MAGI2: variants seen among roughly 807,000 people sequenced by gnomAD.
MAGI2 encodes membrane associated guanylate kinase, WW and PDZ domain containing 2, also known as membrane-associated guanylate kinase, WW and PDZ domain-containing protein 2.
In MAGI2, 35 loss-of-function variants were observed where a neutral mutation model predicts 133.3. That is an observed-to-expected ratio of 0.26 (90% confidence interval 0.20 to 0.35). MAGI2 has a LOEUF of 0.35. Among genes scored for constraint, MAGI2 ranks in the 10% least tolerant of loss-of-function variants. The probability of loss-of-function intolerance (pLI) is 1.00; values close to 1 mark genes in which losing one functional copy is unlikely to be tolerated. For synonymous variants in MAGI2, 729 were observed against 710.6 expected, an observed-to-expected ratio of 1.03 and a Z score of -0.41; for missense variants, 1,636 against 1,863.4, an observed-to-expected ratio of 0.88 and a Z score of 2.25.
chr7:78,027,639 AAAAAGAAAG>A (rs1165030407), intron 21 of MAGI2, among the ~76,000 whole-genome samples: 2 of 142,462 alleles, frequency 1.4e-5, no homozygotes, highest in East Asian at 5.8e-4. Context: ...AAAAAAAAAA[AAAAAGAAAG>A]AAAAAGAAAA....
intron 1 of MAGI2, among the ~76,000 whole-genome samples, chr7:79,398,642 G>T (rs10953851): frequency 0.24 from 36,878 of 152,066 alleles, 5,834 homozygotes; most frequent in African/African-American, 0.43. Flanking sequence ...ACCAGGAAAA[G>T]CCTTTCTAGC....
intron 2 of MAGI2, among the ~76,000 whole-genome samples, chr7:78,860,920 T>C (rs929706552): frequency 6.6e-6 from 1 of 152,106 alleles, no homozygotes; most frequent in African/African-American, 2.4e-5. Flanking sequence ...CAGCTTTGTT[T>C]ACCTACTCAA....
At chr7:78,048,231 A>G (rs1006894684) in intron 21 of MAGI2, among the ~76,000 whole-genome samples, 10 of 152,214 alleles carry the variant, frequency 6.6e-5, no homozygotes, top group African/African-American at 1.9e-4. Context: ...CTTGTCTTCT[A>G]TATGCAGGGT....
chr7:78,366,424 C>A (rs1365044398), intron 7 of MAGI2, among the ~76,000 whole-genome samples: 3 of 152,020 alleles, frequency 2.0e-5, no homozygotes, highest in East Asian at 1.9e-4. Context: ...CTTCTTCCAA[C>A]AAAAACACTC....
At chr7:78,515,439 T>C (rs771899376) in intron 4 of MAGI2, among the ~76,000 whole-genome samples, 1 of 152,152 alleles carries the variant, frequency 6.6e-6, no homozygotes, top group Non-Finnish European at 1.5e-5. Context: ...ATATTGAATA[T>C]ACTGAATAGT....
chr7:78,362,803 A>G (rs988970276), intron 7 of MAGI2, among the ~76,000 whole-genome samples: 1 of 152,210 alleles, frequency 6.6e-6, no homozygotes, highest in Admixed American at 6.5e-5. Context: ...TATGTTGTAA[A>G]GTATAAAAAT....
At chr7:79,358,097 G>T (rs187398798) in intron 1 of MAGI2, among the ~76,000 whole-genome samples, 3 of 151,596 alleles carry the variant, frequency 2.0e-5, no homozygotes, top group South Asian at 2.1e-4. Flanking sequence ...GAGCTACTAG[G>T]TCCCTACATT....
intron 6 of MAGI2, chr7:78,487,033 G>C (rs1461180688): frequency 2.0e-6 from 1 of 507,504 alleles, no homozygotes; most frequent in Non-Finnish European, 3.9e-6. Flanking sequence ...AACCAACGAA[G>C]GACCAATACA....
intron 6 of MAGI2, among the ~76,000 whole-genome samples, chr7:78,482,024 A>G (rs1792443363): frequency 6.6e-6 from 1 of 151,994 alleles, no homozygotes; most frequent in Admixed American, 6.6e-5. Flanking sequence ...AAGGATATGT[A>G]AAGGAACATG....
intron 16 of MAGI2, among the ~76,000 whole-genome samples, chr7:78,156,711 C>T (rs1563192716): frequency 6.6e-6 from 1 of 151,698 alleles, no homozygotes; most frequent in East Asian, 1.9e-4. Context: ...ATTGTAGCAC[C>T]TGGGCTGTTA....
intron 21 of MAGI2, among the ~76,000 whole-genome samples, chr7:78,075,536 C>T (rs1815194982): frequency 1.3e-5 from 2 of 152,082 alleles, no homozygotes; most frequent in African/African-American, 4.8e-5. Context: ...ACCACCACAC[C>T]CGGCTAATTT....
chr7:78,951,784 T>TC (rs1801895454), intron 2 of MAGI2, among the ~76,000 whole-genome samples: 1 of 152,174 alleles, frequency 6.6e-6, no homozygotes, highest in African/African-American at 2.4e-5. Context: ...TCTGACCTCT[T>TC]CCTCTTTATG....
chr7:78,095,245 G>C (rs1455145306), intron 20 of MAGI2, among the ~76,000 whole-genome samples: 1 of 152,182 alleles, frequency 6.6e-6, no homozygotes, highest in African/African-American at 2.4e-5. Flanking sequence ...TTTTTTGGAA[G>C]ATAGTAAATC....
intron 2 of MAGI2, among the ~76,000 whole-genome samples, chr7:78,954,899 T>C (rs1158090452): frequency 6.6e-6 from 1 of 152,174 alleles, no homozygotes; most frequent in African/African-American, 2.4e-5. Flanking sequence ...AGAGGTCTGG[T>C]TATTATAGAT....
chr7:78,179,719 T>G (rs1166980151), intron 13 of MAGI2, among the ~76,000 whole-genome samples: 2 of 152,216 alleles, frequency 1.3e-5, no homozygotes, highest in African/African-American at 4.8e-5. Context: ...CTCCACATCC[T>G]TTAGAAATTA....
chr7:79,137,453 T>C (rs932561109), intron 1 of MAGI2, among the ~76,000 whole-genome samples: 1 of 149,306 alleles, frequency 6.7e-6, no homozygotes, highest in South Asian at 2.1e-4. Flanking sequence ...GTTTTTTGTT[T>C]TTTTTTTTTT....
chr7:78,980,154 T>C (rs911474387), intron 2 of MAGI2, among the ~76,000 whole-genome samples: 2 of 151,718 alleles, frequency 1.3e-5, no homozygotes, highest in East Asian at 3.9e-4. Context: ...GGTTAGGAAA[T>C]CTCTCTGTTC....
chr7:78,242,268 G>C (rs932610663), intron 10 of MAGI2, among the ~76,000 whole-genome samples: 2 of 152,192 alleles, frequency 1.3e-5, no homozygotes, highest in Non-Finnish European at 2.9e-5. Flanking sequence ...GTGAGTTAGA[G>C]AGAGGACCCA....
intron 2 of MAGI2, among the ~76,000 whole-genome samples, chr7:78,804,516 A>C (rs1429831330): frequency 6.6e-6 from 1 of 151,616 alleles, no homozygotes; most frequent in African/African-American, 2.4e-5. Context: ...TGGGAGGCCG[A>C]GGCAGGCGGA....
Sources: gnomAD v4.1 joint callset for allele counts (sites outside exome capture counted in the v4.1 genomes callset) on GRCh38, gnomAD v4.1.1 for gene constraint, MANE v1.5 for transcripts, NCBI Gene and HGNC (gene_info 2026-07-23, HGNC 2026-07-21) for gene names.